The following ZCCHC10 variants were observed in gnomAD, a reference collection of about 807,000 sequenced individuals.
The protein encoded by ZCCHC10 is zinc finger CCHC-type containing 10.
ZCCHC10 carries 16 observed loss-of-function variants against 19.5 expected under a neutral mutation model. The observed-to-expected ratio is 0.82, with a 90% confidence interval of 0.56 to 1.25. The LOEUF (loss-of-function observed/expected upper bound fraction) is 1.25, where lower values mean the gene tolerates loss of function less well. ZCCHC10 is among the 50% of genes most tolerant of loss of function. The pLI, the probability that ZCCHC10 is intolerant of heterozygous loss-of-function variation, is 0.00. For missense variants in ZCCHC10, 197 were observed against 201.0 expected, an observed-to-expected ratio of 0.98 and a Z score of 0.12; for synonymous variants, 67 against 72.5, an observed-to-expected ratio of 0.92 and a Z score of 0.38.
intron 2 of ZCCHC10, among the ~76,000 whole-genome samples, chr5:133,009,415 C>T (rs1353151626): frequency 1.3e-5 from 2 of 151,658 alleles, no homozygotes; most frequent in Non-Finnish European, 2.9e-5. Context: ...GTCAGAAATT[C>T]GAGACCAGCG....
Position 133,021,478 on chromosome 5 carries a change from C to A in ZCCHC10, c.107+1363G>T, listed in dbSNP as rs1764307354. On this transcript the variant is annotated intron_variant, in intron 2 of 4. Coordinates refer to ENST00000509437, the MANE Select transcript of ZCCHC10 (RefSeq NM_001300816.3). ...TGGCGAGATATACATAAGCACGGAT[C>A]AGAAAACTCAATACTGTTAGGATGT... 2.6e-5 allele frequency among the ~76,000 whole-genome samples: 4 copies of A among 152,156 alleles called. No homozygotes were observed. The East Asian group carries it at 7.7e-4, about 29-fold the overall frequency.
Position 133,019,037 on chromosome 5 carries a change from C to G in ZCCHC10, c.107+3804G>C, listed in dbSNP as rs1220547872. The G allele has an allele frequency of 2.9e-5, 13 of 447,658 alleles. 1 individual carries two copies. The highest frequency in any genetic ancestry group is 2.0e-4 in the South Asian group (13 of 63,438). 27.7% of individuals were successfully genotyped at this position (447,658 alleles called of 1,614,324 possible). On this transcript the variant is annotated intron_variant, in intron 2 of 4. Transcript: ENST00000509437. The stretch of plus-strand genomic sequence containing the variant: ...TCATTAAAAATATCCACCAGACATT[C>G]TGGAGTTTGTTTTTTATTGTTATAA...
chr5:133,010,334 C>T (rs886752126), intron 2 of ZCCHC10, among the ~76,000 whole-genome samples: 1 of 152,076 alleles, frequency 6.6e-6, no homozygotes, highest in Non-Finnish European at 1.5e-5. Context: ...CAGGTGTGAG[C>T]CACCGTGCCC....
At chr5:133,026,390 G>C in intron 1 of ZCCHC10, 107 bp downstream of exon 1, 1 of 1,476,222 alleles carries the variant, frequency 6.8e-7, no homozygotes, top group Non-Finnish European at 9.3e-7. Flanking sequence ...GAGTGTTTGA[G>C]AAACGGACAT....
Position 133,026,491 on chromosome 5 carries a change from A to G in ZCCHC10, c.41+6T>C. 2.5e-6 allele frequency: 4 copies of G among 1,613,508 alleles called. No homozygotes were observed. In the South Asian group the frequency reaches 4.4e-5, roughly 18 times the overall value. Reference sequence around the variant, plus strand: ...TCCAGTGGACCCGAACCGGATCCTTACTTACGCTTGTCTCCGGGCTATTAG... The same window carrying G: ...TCCAGTGGACCCGAACCGGATCCTTGCTTACGCTTGTCTCCGGGCTATTAG... On this transcript the variant is annotated splice_donor_region_variant and intron_variant, in intron 1 of 4. Transcript: ENST00000509437.
At chr5:133,008,102 G>A (rs1763247036) in intron 2 of ZCCHC10, among the ~76,000 whole-genome samples, 1 of 151,476 alleles carries the variant, frequency 6.6e-6, no homozygotes, top group South Asian at 2.1e-4. Flanking sequence ...GTGGGTGCCT[G>A]TAGTCCCAGC....
chr5:133,007,544 CA>C (rs58700549), intron 2 of ZCCHC10, among the ~76,000 whole-genome samples: 47,881 of 119,204 alleles, frequency 0.4, 8,585 homozygotes, highest in African/African-American at 0.53. Flanking sequence ...CTCCGTCTCA[CA>C]AAAAAAAAAA....
rs1242063715 is a variant in ZCCHC10 at position 133,013,260 on chromosome 5, A to AG, written c.108-6341dup. Reference sequence around the variant, plus strand: ...GCGACAGAGTGAGACTCCATCTCCAAGAAAAAAAAAAAAAAAAGGGACTAG... The same window carrying AG: ...GCGACAGAGTGAGACTCCATCTCCAAGGAAAAAAAAAAAAAAAAGGGACTAG... On this transcript the variant is annotated intron_variant, in intron 2 of 4. Coordinates refer to ENST00000509437, the MANE Select transcript of ZCCHC10 (RefSeq NM_001300816.3). Among the ~76,000 whole-genome samples the AG allele has an allele frequency of 3.3e-3, 454 of 136,986 alleles. 3 individuals carry two copies. Among genetic ancestry groups the AG allele is most frequent in the African/African-American group, 0.011 (422 of 36,702 alleles). The allele number at this position is 136,986 out of a possible 152,430, so 89.9% of individuals were successfully genotyped here. A position where few individuals can be genotyped will look rare whatever the true frequency, so the allele number is the denominator to read the frequency against.
chr5:133,003,362 C>A, intron 3 of ZCCHC10: 1 of 361,044 alleles, frequency 2.8e-6, no homozygotes, highest in Non-Finnish European at 5.5e-6. Context: ...GTTCAGATTT[C>A]TAAATGAAAT....
At chr5:133,024,649 C>G (rs1425404768) in intron 1 of ZCCHC10, among the ~76,000 whole-genome samples, 2 of 152,176 alleles carry the variant, frequency 1.3e-5, no homozygotes, top group Admixed American at 1.3e-4. Context: ...TGCCTGTAAT[C>G]CCAGTACTTT....
intron 3 of ZCCHC10, among the ~76,000 whole-genome samples, chr5:133,003,525 A>C (rs1762907454): frequency 6.6e-6 from 1 of 151,842 alleles, no homozygotes; most frequent in South Asian, 2.1e-4. Context: ...CTGAAAGTTG[A>C]AAAAAAACCC....
In ZCCHC10 at chr5:133,006,946, G is replaced by A. The variant is rs373233035; in HGVS notation, c.108-26C>T. On this transcript the variant is annotated intron_variant, in intron 2 of 4. Transcript: ENST00000509437. ...CTACAGAACAAAAAACAGAATACAA[G>A]CCTTAAAATTCTGTCTTGTGACTTT... 6.4e-6 allele frequency: 10 copies of A among 1,557,348 alleles called. No homozygotes were observed. In the East Asian group the frequency reaches 2.0e-4, roughly 32 times the overall value.
intron 2 of ZCCHC10, among the ~76,000 whole-genome samples, chr5:133,012,712 C>T (rs1056804722): frequency 6.6e-6 from 1 of 150,956 alleles, no homozygotes; most frequent in Admixed American, 6.6e-5. Flanking sequence ...GTCAGGAGTC[C>T]AAGACCAGCC....
At chr5:132,999,851 A>C (rs1371682227) in intron 4 of ZCCHC10, among the ~76,000 whole-genome samples, 1 of 152,016 alleles carries the variant, frequency 6.6e-6, no homozygotes, top group Non-Finnish European at 1.5e-5. Context: ...AGGTTCAAGC[A>C]ATTCTCCTGC....
chr5:132,997,063 C>T lies in ZCCHC10; in HGVS notation c.*1520G>A, dbSNP rs1296697679. 2.0e-5 allele frequency: 3 copies of T among 152,174 alleles called. No homozygotes were observed. The highest frequency in any genetic ancestry group is 4.4e-5 in the Non-Finnish European group (3 of 68,028). The allele number at this position is 152,174 out of a possible 1,614,324, so 9.4% of individuals were successfully genotyped here. On this transcript the variant is annotated 3_prime_UTR_variant, in exon 5 of 5. Transcript: ENST00000509437. The stretch of plus-strand genomic sequence containing the variant: ...CTATGTAACACATTCTTTTCTCATC[C>T]GTGTTCTTTAACTGCTAATATTACC...
chr5:133,018,637 G>A (rs1764085202), intron 2 of ZCCHC10, among the ~76,000 whole-genome samples: 1 of 152,164 alleles, frequency 6.6e-6, no homozygotes, highest in Non-Finnish European at 1.5e-5. Context: ...GACCTCAGGT[G>A]ATCCTTGGCC....
chr5:133,026,533 G>C lies in ZCCHC10; in HGVS notation c.5C>G (p.Ala2Gly), dbSNP rs1764738814. The change falls in exon 1 of 5, where the codon GCG becomes GGG. Residue 2 changes from alanine to glycine, a missense_variant. Physicochemically the swap from Ala to Gly is moderately conservative, Grantham distance 60. Transcript: ENST00000509437. ...GGCTATTAGCCGATGCATGGGAGTC[G>C]CCATCTTAGCGCGGTCAAAGCCGGC... MATPMHRLIARR... is the reference protein window; with the variant it reads MGTPMHRLIARR... 4 of 1,613,428 alleles carry C rather than the reference G, an allele frequency of 2.5e-6. No homozygotes were observed. Among genetic ancestry groups the C allele is most frequent in the African/African-American group, 1.3e-5 (1 of 74,864 alleles).
At chr5:133,017,705 A>G (rs1035654944) in intron 2 of ZCCHC10, among the ~76,000 whole-genome samples, 3 of 152,192 alleles carry the variant, frequency 2.0e-5, no homozygotes, top group African/African-American at 7.2e-5. Flanking sequence ...TGGAAATAAT[A>G]TGAAAGTAGA....
At chr5:133,023,003 A>T in intron 1 of ZCCHC10, 97 bp from the exon 2 acceptor site, 1 of 403,566 alleles carries the variant, frequency 2.5e-6, no homozygotes. Flanking sequence ...ATGACAATTC[A>T]GGTAGAAAAC....
Sources: gnomAD v4.1 joint callset for allele counts (sites outside exome capture counted in the v4.1 genomes callset) on GRCh38, gnomAD v4.1.1 for gene constraint, MANE v1.5 for transcripts, NCBI Gene and HGNC (gene_info 2026-07-23, HGNC 2026-07-21) for gene names.